Variants in CUL4B observed in about 807,000 individuals in gnomAD.
CUL4B encodes the protein cullin 4B.
In CUL4B, 1 loss-of-function variant was observed where a neutral mutation model predicts 69.2. The ratio of observed to expected loss-of-function variants is 0.01; its 90% CI spans 0.01 to 0.07. The LOEUF is 0.07. Among genes scored for constraint, CUL4B ranks in the 10% least tolerant of loss-of-function variants. The pLI, the probability that CUL4B is intolerant of heterozygous loss-of-function variation, is 1.00. For missense variants in CUL4B, 328 were observed against 638.8 expected (o/e 0.51, Z 5.24); for synonymous variants, 237 against 223.2 (o/e 1.06, Z -0.55).
At chrX:120,528,598 G>A (rs1243467925) in intron 19 of CUL4B, among the ~76,000 whole-genome samples, 1 of 109,383 alleles carries the variant, frequency 9.1e-6, no homozygotes, top group Non-Finnish European at 1.9e-5. Flanking sequence ...GTGCGCACCT[G>A]TGGTCCCAGC....
At chrX:120,539,550 C>T (rs779672829) in intron 11 of CUL4B, among the ~76,000 whole-genome samples, 178 bp from the exon 12 acceptor site, 1 of 111,744 alleles carries the variant, frequency 8.9e-6, no homozygotes, top group Non-Finnish European at 1.9e-5. Flanking sequence ...TGCCATAGAG[C>T]TAATAACATC....
At chrX:120,566,345 GTATATATATATATATATATATA>G (rs537274243), upstream of CUL4B, among the ~76,000 whole-genome samples, 256 of 40,966 alleles carry the variant, frequency 6.2e-3, 8 homozygotes, top group African/African-American at 0.021. Flanking sequence ...GTGTGTATAG[GTATATATATATATATATATATA>G]TATATATATA....
In CUL4B at chrX:120,543,043, A is replaced by T; in HGVS notation, c.1257-10T>A. Reference sequence around the variant, plus strand: ...AGCAATTAATGACTTCCTACAAGGAAAAAAAAAAAGGTTAGTATTATTGAC... The same window carrying T: ...AGCAATTAATGACTTCCTACAAGGATAAAAAAAAAGGTTAGTATTATTGAC... On this transcript the variant is annotated splice_polypyrimidine_tract_variant and intron_variant, in intron 8 of 19. Transcript: ENST00000371322. 9.2e-7 allele frequency: 1 copy of T among 1,085,517 alleles called. No individual in the cohort carries two copies. The allele number at this position is 1,085,517 out of a possible 1,213,427, so 89.5% of individuals were successfully genotyped here.
At chrX:120,573,096 TA>T (rs1056522204) in intron 2 of CUL4B, among the ~76,000 whole-genome samples, 7 of 112,002 alleles carry the variant, frequency 6.2e-5, no homozygotes, top group Non-Finnish European at 1.1e-4. Flanking sequence ...AAAATAAAAT[TA>T]AAAGTGTCTT....
chrX:120,565,216 C>T (rs751620032), upstream of CUL4B, among the ~76,000 whole-genome samples: 3 of 110,651 alleles, frequency 2.7e-5, no homozygotes, highest in South Asian at 1.2e-3. Flanking sequence ...CTCCAGATAT[C>T]TCATACCAGT....
intron 1 of CUL4B, among the ~76,000 whole-genome samples, chrX:120,559,107 A>G (rs995636364): frequency 2.7e-5 from 3 of 110,828 alleles, no homozygotes; most frequent in Admixed American, 9.7e-5. Context: ...TAAAAACACA[A>G]GCATAGAGAA....
At position 120,547,257 on chromosome X, in the gene CUL4B, TTTC is replaced by T. The variant is rs761072294; in HGVS notation, c.673-21_673-19del. ...TCTACAGCCTGCAAGGTTAAAATACTTTCTTAAGGAGAGGATGAAGGATTTCTC... is the reference window on the plus strand; with the variant it reads ...TCTACAGCCTGCAAGGTTAAAATACTTTAAGGAGAGGATGAAGGATTTCTC... On this transcript the variant is annotated intron_variant, in intron 2 of 19. Transcript: ENST00000371322. 2.1e-6 allele frequency: 2 copies of T among 974,257 alleles called. No homozygotes were observed. Among genetic ancestry groups the T allele is most frequent in the Admixed American group, 4.4e-5 (2 of 45,709 alleles). The allele number at this position is 974,257 out of a possible 1,213,427, so 80.3% of individuals were successfully genotyped here. A position where few individuals can be genotyped will look rare whatever the true frequency, so the allele number is the denominator to read the frequency against.
chrX:120,534,368 A>G (rs1278744096), intron 17 of CUL4B, 113 bp downstream of exon 17: 1 of 548,619 alleles, frequency 1.8e-6, no homozygotes, highest in Non-Finnish European at 3.1e-6. Context: ...AAAAAAAAAG[A>G]AAAAAAAAAC....
intron 2 of CUL4B, among the ~76,000 whole-genome samples, chrX:120,572,161 A>G (rs1188954512): frequency 1.8e-5 from 2 of 109,756 alleles, no homozygotes; most frequent in Non-Finnish European, 3.8e-5. Context: ...CCAGAGGTAC[A>G]GTTAGAAATG....
chrX:120,554,546 C>T (rs974163614), intron 2 of CUL4B, among the ~76,000 whole-genome samples: 11 of 112,562 alleles, frequency 9.8e-5, no homozygotes, highest in African/African-American at 3.5e-4. Context: ...TGTTTGCTTA[C>T]TGCAAGTGTA....
intron 15 of CUL4B, 35 bp downstream of exon 15, chrX:120,536,892 A>G (rs369673689): frequency 4.6e-5 from 43 of 943,406 alleles, no homozygotes; most frequent in Non-Finnish European, 6.4e-5. Context: ...TATGATTTCT[A>G]TGCCTATAAC....
At position 120,524,463 on chromosome X, in the gene CUL4B, A is replaced by C. The variant is rs964184947; in HGVS notation, c.*2298T>G. 1 of 111,815 alleles carries C rather than the reference A, an allele frequency of 8.9e-6. No individual in the cohort carries two copies. Among genetic ancestry groups the C allele is most frequent in the Admixed American group, 9.6e-5 (1 of 10,448 alleles). The allele number at this position is 111,815 out of a possible 1,213,427, so 9.2% of individuals were successfully genotyped here. A position where few individuals can be genotyped will look rare whatever the true frequency, so the allele number is the denominator to read the frequency against. On this transcript the variant is annotated 3_prime_UTR_variant, in exon 20 of 20. Transcript: ENST00000371322. ...CCCTCCCCCATACTCTTATAGCATT[A>C]CCACAAAACCATTACAAAATTTTTA...
chrX:120,570,377 T>G (rs901146640), downstream of CUL4B, among the ~76,000 whole-genome samples: 12 of 112,456 alleles, frequency 1.1e-4, no homozygotes, highest in African/African-American at 3.6e-4. Flanking sequence ...CCTTTACCTG[T>G]TTTTGTAAAT....
chrX:120,551,325 G>A (rs1924671935), intron 2 of CUL4B, among the ~76,000 whole-genome samples: 1 of 109,999 alleles, frequency 9.1e-6, no homozygotes, highest in Non-Finnish European at 1.9e-5. Flanking sequence ...AGCCTCTCAA[G>A]TAGCTGGGAT....
At chrX:120,566,378 T>TATGTATATATAC (rs1556253345), upstream of CUL4B, among the ~76,000 whole-genome samples, 8 of 81,762 alleles carry the variant, frequency 9.8e-5, no homozygotes, top group South Asian at 6.3e-4. Context: ...TATATATATA[T>TATGTATATATAC]ATATATATAT....
chrX:120,561,139 G>C (rs915494292), upstream of CUL4B: 118 of 991,786 alleles, frequency 1.2e-4, no homozygotes, highest in Non-Finnish European at 1.3e-4. Context: ...CAACCTCAGG[G>C]AGTGGGGGTG....
chrX:120,547,271 G>T, intron 2 of CUL4B, 32 bp from the exon 3 acceptor site: 1 of 864,581 alleles, frequency 1.2e-6, no homozygotes, highest in Non-Finnish European at 1.7e-6. Context: ...TTAAGGAGAG[G>T]ATGAAGGATT....
chrX:120,547,301 A>T, intron 2 of CUL4B, 62 bp from the exon 3 acceptor site: 1 of 661,968 alleles, frequency 1.5e-6, no homozygotes, highest in Non-Finnish European at 2.5e-6. Context: ...TTTACATCAG[A>T]TTCTTATTAA....
At chrX:120,551,669 T>C (rs1924696151) in intron 2 of CUL4B, among the ~76,000 whole-genome samples, 1 of 112,372 alleles carries the variant, frequency 8.9e-6, no homozygotes, top group Non-Finnish European at 1.9e-5. Flanking sequence ...GTAACTAAAA[T>C]AAAATCTTCA....
Sources: gnomAD v4.1 joint callset for allele counts (sites outside exome capture counted in the v4.1 genomes callset) on GRCh38, gnomAD v4.1.1 for gene constraint, MANE v1.5 for transcripts, NCBI Gene and HGNC (gene_info 2026-07-23, HGNC 2026-07-21) for gene names.